TCF25: variants seen among roughly 807,000 people sequenced by gnomAD.
The protein encoded by TCF25 is TCF25 ribosome quality control complex subunit, also known as ribosome quality control complex subunit TCF25.
In TCF25, 41 loss-of-function variants were observed where a neutral mutation model predicts 83.1. The observed-to-expected ratio is 0.49, with a 90% confidence interval of 0.38 to 0.64. The LOEUF (loss-of-function observed/expected upper bound fraction) is 0.64. Among genes scored for constraint, TCF25 ranks in the 30% least tolerant of loss-of-function variants. TCF25 has a pLI of 0.00. For synonymous variants in TCF25, 458 were observed against 365.0 expected, an observed-to-expected ratio of 1.25 and a Z score of -2.90; for missense variants, 979 against 914.5, an observed-to-expected ratio of 1.07 and a Z score of -0.91.
chr16:89,879,444 G>A (rs2042448153), intron 1 of TCF25, among the ~76,000 whole-genome samples: 2 of 133,038 alleles, frequency 1.5e-5, no homozygotes, highest in Non-Finnish European at 3.2e-5. Flanking sequence ...CCTGTCACAC[G>A]TGTTGTCCGT....
intron 16 of TCF25, among the ~76,000 whole-genome samples, chr16:89,908,076 CCT>C (rs536865705): frequency 1.9e-4 from 26 of 138,844 alleles, no homozygotes; most frequent in African/African-American, 6.1e-4. Context: ...CCTTACAGCC[CCT>C]GTCTCCTCCC....
In TCF25 at chr16:89,879,409, C is replaced by G. The variant is rs563777396; in HGVS notation, c.193-3942C>G. 2.8e-5 allele frequency among the ~76,000 whole-genome samples: 4 copies of G among 142,510 alleles called. 1 individual carries two copies. In the South Asian group the frequency reaches 9.5e-4, roughly 34 times the overall value. The allele number at this position is 142,510 out of a possible 152,430, so 93.5% of individuals were successfully genotyped here. A position where few individuals can be genotyped will look rare whatever the true frequency, so the allele number is the denominator to read the frequency against. On this transcript the variant is annotated intron_variant, in intron 1 of 17. Coordinates refer to ENST00000263346, the MANE Select transcript of TCF25 (RefSeq NM_014972.3). ...CTTCGGAGCCTGTCACACGTGTTGT[C>G]CGTGTACACAGATGGGCTTCGGGGC...
intron 2 of TCF25, among the ~76,000 whole-genome samples, chr16:89,884,303 C>T (rs562211222): frequency 5.3e-4 from 80 of 152,164 alleles, no homozygotes; most frequent in African/African-American, 1.8e-3. Flanking sequence ...AGGGAGTGGC[C>T]GACACAGGGA....
At chr16:89,900,832 G>A (rs1404399545) in intron 12 of TCF25, 38 bp downstream of exon 12, 7 of 1,508,340 alleles carry the variant, frequency 4.6e-6, no homozygotes, top group Non-Finnish European at 6.3e-6. Flanking sequence ...GTAGGGGTGT[G>A]TCCTGTCAGC....
In TCF25 at chr16:89,875,894, C is replaced by G. The variant is rs540726293; in HGVS notation, c.192+2035C>G. ...GGTGTTGCCCAGGCTGGTTGCTGGT[C>G]TTGAACTCCTGGGTTCAGGTTATCC... On this transcript the variant is annotated intron_variant, in intron 1 of 17. Coordinates refer to ENST00000263346, the MANE Select transcript of TCF25 (RefSeq NM_014972.3). Among the ~76,000 whole-genome samples, 28 of 124,582 alleles carry G rather than the reference C, an allele frequency of 2.2e-4. 1 individual carries two copies. The highest frequency in any genetic ancestry group is 8.4e-4 in the African/African-American group (27 of 32,216). 81.7% of individuals were successfully genotyped at this position (124,582 alleles called of 152,430 possible).
rs373570943 is a variant in TCF25 at position 89,891,760 on chromosome 16, T to C, written c.615-433T>C. 1.9e-3 allele frequency among the ~76,000 whole-genome samples: 287 copies of C among 152,316 alleles called. 15 individuals are homozygous for C. In the South Asian group the frequency reaches 0.056, roughly 30 times the overall value. Reference sequence around the variant, plus strand: ...TTTTCGTTTTCTTTTTTTATTTTCCTCTTGAGACAGGGCCTTGCTCTGTCG... The same window carrying C: ...TTTTCGTTTTCTTTTTTTATTTTCCCCTTGAGACAGGGCCTTGCTCTGTCG... On this transcript the variant is annotated intron_variant, in intron 5 of 17. Transcript: ENST00000263346.
intron 11 of TCF25, among the ~76,000 whole-genome samples, chr16:89,899,365 T>A (rs2044136935): frequency 6.6e-6 from 1 of 152,198 alleles, no homozygotes. Context: ...CGTGTTGGAA[T>A]GATAATTTCG....
At chr16:89,877,396 G>A (rs1036302429) in intron 1 of TCF25, among the ~76,000 whole-genome samples, 1 of 152,142 alleles carries the variant, frequency 6.6e-6, no homozygotes, top group South Asian at 2.1e-4. Context: ...TTGAAAGCCA[G>A]TGTGCTGGGA....
At chr16:89,883,246 T>C in intron 1 of TCF25, 105 bp from the exon 2 acceptor site, 1 of 1,492,426 alleles carries the variant, frequency 6.7e-7, no homozygotes, top group Non-Finnish European at 9.1e-7. Flanking sequence ...GCACTGACCC[T>C]GGGGGTCCCC....
At chr16:89,905,748 G>C (rs574210356) in intron 14 of TCF25, among the ~76,000 whole-genome samples, 1 of 152,218 alleles carries the variant, frequency 6.6e-6, no homozygotes, top group Non-Finnish European at 1.5e-5. Context: ...CGTGTCTGCT[G>C]TCCCCACTGG....
At chr16:89,889,160 C>G in intron 5 of TCF25, 1 of 371,704 alleles carries the variant, frequency 2.7e-6, no homozygotes, top group Non-Finnish European at 5.2e-6. Flanking sequence ...CCTCTGGACT[C>G]TCCATCGAAG....
intron 13 of TCF25, 30 bp from the exon 14 acceptor site, chr16:89,904,908 G>C (rs140032244): frequency 2.1e-4 from 336 of 1,589,492 alleles, no homozygotes; most frequent in Middle Eastern, 3.3e-4. Context: ...CTGAAGAGGG[G>C]TTCTGCTCAG....
chr16:89,884,804 C>G, intron 3 of TCF25, 148 bp downstream of exon 3: 1 of 664,024 alleles, frequency 1.5e-6, no homozygotes, highest in Non-Finnish European at 2.4e-6. Flanking sequence ...GCCTGACGCC[C>G]TCTCCCTCTG....
intron 11 of TCF25, among the ~76,000 whole-genome samples, chr16:89,900,230 T>C (rs1247169044): frequency 6.7e-6 from 1 of 149,702 alleles, no homozygotes; most frequent in South Asian, 2.1e-4. Flanking sequence ...GAAACTCGCG[T>C]GGCGGGCTGC....
intron 14 of TCF25, 145 bp downstream of exon 14, chr16:89,905,241 A>T (rs1274299494): frequency 3.4e-6 from 4 of 1,190,196 alleles, no homozygotes; most frequent in African/African-American, 1.5e-5. Flanking sequence ...AGCCTACAAG[A>T]CAGCGCACAG....
chr16:89,901,700 G>A (rs8053398), intron 12 of TCF25, among the ~76,000 whole-genome samples: 1,906 of 36,100 alleles, frequency 0.053, 43 homozygotes, highest in African/African-American at 0.15. Context: ...AGCCGAGATC[G>A]CGCCACTGCA....
chr16:89,896,198 C>G, intron 9 of TCF25, 115 bp downstream of exon 9: 1 of 906,298 alleles, frequency 1.1e-6, no homozygotes, highest in Non-Finnish European at 1.7e-6. Context: ...CCAGGGCCCA[C>G]AGGTCCAGAG....
chr16:89,887,572 AT>A, intron 4 of TCF25, 79 bp from the exon 5 acceptor site: 1 of 1,351,780 alleles, frequency 7.4e-7, no homozygotes, highest in Non-Finnish European at 9.9e-7. Context: ...CTCCTTGACT[AT>A]TAGGTGGCTT....
intron 1 of TCF25, among the ~76,000 whole-genome samples, chr16:89,877,347 G>A (rs887503720): frequency 2.0e-5 from 3 of 152,118 alleles, no homozygotes; most frequent in African/African-American, 7.2e-5. Flanking sequence ...GGAACTATAA[G>A]TGGGTGTCAC....
Sources: gnomAD v4.1 joint callset for allele counts (sites outside exome capture counted in the v4.1 genomes callset) on GRCh38, gnomAD v4.1.1 for gene constraint, MANE v1.5 for transcripts, NCBI Gene and HGNC (gene_info 2026-07-23, HGNC 2026-07-21) for gene names.